LANCL3: variants seen among roughly 807,000 people sequenced by gnomAD.
LANCL3 encodes lanC-like protein 3.
Under a neutral mutation model 26.5 loss-of-function variants are expected in LANCL3, and 19 were observed. The ratio of observed to expected loss-of-function variants is 0.72; its 90% confidence interval spans 0.50 to 1.05. LANCL3 has a LOEUF of 1.05. Among genes scored for constraint, LANCL3 ranks in the 50% least tolerant of loss-of-function variants. The probability of loss-of-function intolerance (pLI) is 0.00; values close to 1 mark genes in which losing one functional copy is unlikely to be tolerated. For synonymous variants in LANCL3, 160 were observed against 166.6 expected, an observed-to-expected ratio of 0.96 and a Z score of 0.30; for missense variants, 318 against 362.7, an observed-to-expected ratio of 0.88 and a Z score of 1.00.
chrX:37,596,119 G>T (rs782532882), intron 1 of LANCL3, among the ~76,000 whole-genome samples: 45 of 111,923 alleles, frequency 4.0e-4, no homozygotes, highest in Middle Eastern at 4.2e-3. Context: ...TACATCAGAA[G>T]TTGGAAGGAA....
At chrX:37,593,465 A>T (rs1209513688) in intron 1 of LANCL3, among the ~76,000 whole-genome samples, 1 of 112,298 alleles carries the variant, frequency 8.9e-6, no homozygotes, top group Non-Finnish European at 1.9e-5. Flanking sequence ...ACAAATAAAG[A>T]AATAGTTGTA....
At chrX:37,652,380 A>C (rs1033569874) in intron 1 of LANCL3, among the ~76,000 whole-genome samples, 6 of 111,035 alleles carry the variant, frequency 5.4e-5, no homozygotes, top group African/African-American at 2.0e-4. Flanking sequence ...GAAATATAGT[A>C]TGAGCTTTAT....
intron 3 of LANCL3, among the ~76,000 whole-genome samples, chrX:37,662,392 AG>A (rs1926443237): frequency 8.9e-6 from 1 of 112,188 alleles, no homozygotes; most frequent in African/African-American, 3.2e-5. Context: ...GAAGTACAGG[AG>A]TGGGTATTTT....
In LANCL3 at chrX:37,604,934, G is replaced by A. The variant is rs1206900878; in HGVS notation, c.573+32491G>A. Among the ~76,000 whole-genome samples, 3 of 112,591 alleles carry A rather than the reference G, an allele frequency of 2.7e-5. No individual in the cohort carries two copies. The Admixed American group carries it at 2.8e-4, about 11-fold the overall frequency. On this transcript the variant is annotated intron_variant, in intron 1 of 4. Coordinates refer to ENST00000378619, the MANE Select transcript of LANCL3 (RefSeq NM_001170331.2). ...GGCTTTGCAATTTTTCACAGCATGTGGTCTCAGAGGCAGCATGAAATGAGA... is the reference window on the plus strand; with the variant it reads ...GGCTTTGCAATTTTTCACAGCATGTAGTCTCAGAGGCAGCATGAAATGAGA...
chrX:37,639,109 G>C (rs147083869), intron 1 of LANCL3, among the ~76,000 whole-genome samples: 1 of 105,809 alleles, frequency 9.5e-6, no homozygotes, highest in East Asian at 3.0e-4. Context: ...TTATACAAAT[G>C]GGCCTAGGCA....
At position 37,590,964 on chromosome X, in the gene LANCL3, C is replaced by G. The variant is rs1371526002; in HGVS notation, c.573+18521C>G. 8.1e-5 allele frequency among the ~76,000 whole-genome samples: 9 copies of G among 111,621 alleles called. No homozygotes were observed. The Admixed American group carries it at 8.6e-4, about 11-fold the overall frequency. On this transcript the variant is annotated intron_variant, in intron 1 of 4. Coordinates refer to ENST00000378619, the MANE Select transcript of LANCL3 (RefSeq NM_001170331.2). ...CGAGAACGAATTTCTTAGACTGTAC[C>G]CTTAACCTTGGCCAAACATCTCTGA... is the stretch of plus-strand genomic sequence containing the variant.
At chrX:37,619,656 G>A (rs184826231) in intron 1 of LANCL3, among the ~76,000 whole-genome samples, 102 of 111,835 alleles carry the variant, frequency 9.1e-4, no homozygotes, top group Middle Eastern at 4.6e-3. Context: ...TGAAATACTA[G>A]TTCTTAGTGA....
chrX:37,583,994 C>T (rs1311543338), intron 1 of LANCL3, among the ~76,000 whole-genome samples: 1 of 111,740 alleles, frequency 8.9e-6, no homozygotes, highest in African/African-American at 3.3e-5. Context: ...TACGTCCCAT[C>T]AATACCTAAT....
chrX:37,642,017 G>A lies in LANCL3; in HGVS notation c.574-13671G>A, dbSNP rs781791431. Among the ~76,000 whole-genome samples the A allele has an allele frequency of 7.2e-5, 8 of 111,850 alleles. No individual in the cohort carries two copies. In the East Asian group the frequency reaches 2.2e-3, roughly 31 times the overall value. On this transcript the variant is annotated intron_variant, in intron 1 of 4. Coordinates refer to ENST00000378619, the MANE Select transcript of LANCL3 (RefSeq NM_001170331.2). ...TTGCCCCTGACCTGAAGCTGGATAA[G>A]TGGAAGAAATAGGGAGGTCACCCAG... is the stretch of plus-strand genomic sequence containing the variant.
intron 3 of LANCL3, 44 bp downstream of exon 3, chrX:37,659,703 G>A: frequency 9.0e-7 from 1 of 1,114,531 alleles, no homozygotes; most frequent in Non-Finnish European, 1.2e-6. Context: ...TTTCATCTAG[G>A]TTAGCCACAG....
Position 37,609,898 on chromosome X carries a change from T to TA in LANCL3, c.573+37461dup, listed in dbSNP as rs200229477. 8.1e-3 allele frequency among the ~76,000 whole-genome samples: 912 copies of TA among 112,031 alleles called. 15 individuals carry two copies. The highest frequency in any genetic ancestry group is 0.028 in the African/African-American group (876 of 30,784). On this transcript the variant is annotated intron_variant, in intron 1 of 4. Transcript: ENST00000378619. ...AAAAGTGGAAAATATACTGTGACTT[T>TA]AAAAAATATTGTTTTGGTAAAACCC... is the stretch of plus-strand genomic sequence containing the variant.
chrX:37,649,232 A>C (rs1285721454), intron 1 of LANCL3, among the ~76,000 whole-genome samples: 3 of 112,562 alleles, frequency 2.7e-5, no homozygotes, highest in Non-Finnish European at 5.6e-5. Context: ...AGACTGGATA[A>C]AGAAAATGTA....
At chrX:37,592,830 G>C (rs1924326729) in intron 1 of LANCL3, among the ~76,000 whole-genome samples, 1 of 111,455 alleles carries the variant, frequency 9.0e-6, no homozygotes, top group Non-Finnish European at 1.9e-5. Context: ...TTTTTTATAA[G>C]TGAAATACAT....
At chrX:37,587,044 A>C (rs1764989024) in intron 1 of LANCL3, among the ~76,000 whole-genome samples, 1 of 112,157 alleles carries the variant, frequency 8.9e-6, no homozygotes, top group African/African-American at 3.2e-5. Context: ...TGTCTGTTGG[A>C]GTTTGCTGGA....
chrX:37,631,259 C>G (rs190944595), intron 1 of LANCL3, among the ~76,000 whole-genome samples: 229 of 111,762 alleles, frequency 2.0e-3, no homozygotes, highest in African/African-American at 7.1e-3. Flanking sequence ...ATAGTATTCT[C>G]TGATGGTAGT....
chrX:37,630,785 A>G (rs1556424081), intron 1 of LANCL3, among the ~76,000 whole-genome samples: 1 of 110,245 alleles, frequency 9.1e-6, no homozygotes, highest in Admixed American at 9.7e-5. Context: ...CCAGCCTTGC[A>G]TCCCAGGGAT....
intron 1 of LANCL3, among the ~76,000 whole-genome samples, chrX:37,615,886 A>G (rs1224044922): frequency 1.8e-5 from 2 of 112,305 alleles, no homozygotes; most frequent in Non-Finnish European, 3.8e-5. Flanking sequence ...TAGCGATCCC[A>G]GTAGATATAG....
chrX:37,615,697 C>A, intron 1 of LANCL3, among the ~76,000 whole-genome samples: 1 of 111,662 alleles, frequency 9.0e-6, no homozygotes, highest in Non-Finnish European at 1.9e-5. Context: ...ATTTTCTTCT[C>A]ATAGCCTAAG....
chrX:37,595,124 T>C (rs1556419362), intron 1 of LANCL3, among the ~76,000 whole-genome samples: 1 of 111,897 alleles, frequency 8.9e-6, no homozygotes, highest in Admixed American at 9.5e-5. Context: ...TTTGTTTTCA[T>C]CTTACATGTT....
Sources: gnomAD v4.1 joint callset for allele counts (sites outside exome capture counted in the v4.1 genomes callset) on GRCh38, gnomAD v4.1.1 for gene constraint, MANE v1.5 for transcripts, NCBI Gene and HGNC (gene_info 2026-07-23, HGNC 2026-07-21) for gene names.